Variants in SLC5A1 observed in about 807,000 individuals in gnomAD.
The protein encoded by SLC5A1 is solute carrier family 5 member 1, also known as sodium/glucose cotransporter 1.
Under a neutral mutation model 73.5 loss-of-function variants are expected in SLC5A1, and 42 were observed. That is an observed-to-expected ratio of 0.57 (90% CI 0.45 to 0.74). SLC5A1 has a LOEUF of 0.74. SLC5A1 is among the 30% of genes least tolerant of loss of function. SLC5A1 has a pLI of 0.00. For synonymous variants in SLC5A1, 300 were observed against 317.4 expected (o/e 0.95, Z 0.58); for missense variants, 634 against 855.4 (o/e 0.74, Z 3.23).
intron 5 of SLC5A1, among the ~76,000 whole-genome samples, chr22:32,080,966 C>T (rs906479948): frequency 2.0e-5 from 3 of 152,136 alleles, no homozygotes; most frequent in Admixed American, 6.5e-5. Context: ...TGCACTCTAG[C>T]CCGGGCGACA....
At chr22:32,095,658 T>C (rs2094025087) in intron 11 of SLC5A1, among the ~76,000 whole-genome samples, 1 of 152,208 alleles carries the variant, frequency 6.6e-6, no homozygotes, top group Admixed American at 6.5e-5. Flanking sequence ...TTAAAGAATA[T>C]AAGAAGAGCT....
chr22:32,080,734 G>A (rs554189188), intron 5 of SLC5A1, among the ~76,000 whole-genome samples: 5 of 152,174 alleles, frequency 3.3e-5, no homozygotes, highest in Non-Finnish European at 7.4e-5. Context: ...AGTGGCTCAC[G>A]CCTGTAATCC....
At position 32,050,223 on chromosome 22, in the gene SLC5A1, A is replaced by C. The variant is rs575360097; in HGVS notation, c.207+209A>C. Among the ~76,000 whole-genome samples, 141 of 152,294 alleles carry C rather than the reference A, an allele frequency of 9.3e-4. 2 individuals carry two copies. Among genetic ancestry groups the C allele is most frequent in the Admixed American group, 9.2e-4 (14 of 15,300 alleles). On this transcript the variant is annotated intron_variant, in intron 2 of 14. Coordinates refer to ENST00000266088, the MANE Select transcript of SLC5A1 (RefSeq NM_000343.4). ...TAGCCTTTAAATAAATCACCCTTAGAGTCCTTCAATAAAATACAAAGTTGG... is the reference window on the plus strand; with the variant it reads ...TAGCCTTTAAATAAATCACCCTTAGCGTCCTTCAATAAAATACAAAGTTGG...
chr22:32,063,976 T>C (rs955510240), intron 2 of SLC5A1, among the ~76,000 whole-genome samples: 2 of 152,220 alleles, frequency 1.3e-5, no homozygotes, highest in Non-Finnish European at 2.9e-5. Context: ...GAGTGGGGAC[T>C]TCAGGACAGC....
chr22:32,046,052 T>A (rs1023155620), intron 1 of SLC5A1, among the ~76,000 whole-genome samples: 2 of 152,158 alleles, frequency 1.3e-5, no homozygotes, highest in Non-Finnish European at 2.9e-5. Flanking sequence ...AGAAAAAAAA[T>A]TTACTGACCC....
intron 12 of SLC5A1, 150 bp from the exon 13 acceptor site, chr22:32,101,872 G>T: frequency 1.4e-6 from 1 of 693,084 alleles, no homozygotes. Context: ...GCCATATTCT[G>T]AACTTCAGTG....
intron 5 of SLC5A1, among the ~76,000 whole-genome samples, chr22:32,071,320 G>T (rs1473143346): frequency 3.9e-5 from 6 of 152,164 alleles, no homozygotes; most frequent in African/African-American, 1.2e-4. Flanking sequence ...AGGCATGGTG[G>T]TGTGCACCTG....
At chr22:32,072,983 GGTT>G (rs1421497933) in intron 5 of SLC5A1, among the ~76,000 whole-genome samples, 28 of 152,212 alleles carry the variant, frequency 1.8e-4, no homozygotes, top group African/African-American at 6.5e-4. Flanking sequence ...CCATCCTGTA[GGTT>G]GTTTTTTCAC....
chr22:32,102,292 T>C, intron 13 of SLC5A1, 55 bp downstream of exon 13: 1 of 1,321,118 alleles, frequency 7.6e-7, no homozygotes, highest in African/African-American at 1.4e-5. Flanking sequence ...TGCAATGTTC[T>C]TTAATTTTTT....
At chr22:32,099,499 C>T (rs2094032824) in intron 12 of SLC5A1, 148 bp downstream of exon 12, 1 of 817,932 alleles carries the variant, frequency 1.2e-6, no homozygotes, top group East Asian at 2.6e-5. Flanking sequence ...GGAAAGCCTC[C>T]AGGGACCATG....
At chr22:32,095,983 C>G (rs1569314927) in intron 11 of SLC5A1, among the ~76,000 whole-genome samples, 1 of 152,192 alleles carries the variant, frequency 6.6e-6, no homozygotes, top group Non-Finnish European at 1.5e-5. Context: ...CCCTTTCCCA[C>G]ATTCACAGTT....
intron 10 of SLC5A1, 116 bp from the exon 11 acceptor site, chr22:32,091,496 T>C (rs573396871): frequency 4.3e-6 from 5 of 1,174,750 alleles, no homozygotes; most frequent in Admixed American, 1.8e-5. Flanking sequence ...GAGACAGAAA[T>C]TGGATAACAT....
chr22:32,083,708 A>C (rs2094003583), intron 7 of SLC5A1, among the ~76,000 whole-genome samples: 1 of 152,010 alleles, frequency 6.6e-6, no homozygotes, highest in South Asian at 2.1e-4. Context: ...TGAAATCTTA[A>C]AGATGAGACT....
chr22:32,074,439 T>C (rs2093987614), intron 5 of SLC5A1, among the ~76,000 whole-genome samples: 1 of 152,156 alleles, frequency 6.6e-6, no homozygotes, highest in South Asian at 2.1e-4. Flanking sequence ...ATGTGTTGTG[T>C]GCTGCTCCCT....
At chr22:32,056,267 C>A (rs1227954845) in intron 2 of SLC5A1, among the ~76,000 whole-genome samples, 1 of 152,086 alleles carries the variant, frequency 6.6e-6, no homozygotes, top group Non-Finnish European at 1.5e-5. Flanking sequence ...GCAGTCTTCC[C>A]CCTTTGGCCT....
chr22:32,095,358 A>G (rs1474505077), intron 11 of SLC5A1, among the ~76,000 whole-genome samples: 1 of 152,180 alleles, frequency 6.6e-6, no homozygotes, highest in African/African-American at 2.4e-5. Context: ...TGTTAAGTCC[A>G]TTTGTTCCAG....
intron 1 of SLC5A1, among the ~76,000 whole-genome samples, chr22:32,049,110 A>T (rs148506365): frequency 0.042 from 6,107 of 144,438 alleles, 215 homozygotes; most frequent in Non-Finnish European, 0.067. Context: ...ATATATATAT[A>T]TAATCATTAT....
chr22:32,110,121 A>T lies in SLC5A1; in HGVS notation c.1903A>T (p.Thr635Ser). 1 of 1,614,128 alleles carries T rather than the reference A, an allele frequency of 6.2e-7. No homozygotes were observed. Among genetic ancestry groups the T allele is most frequent in the Non-Finnish European group, 8.5e-7 (1 of 1,179,994 alleles). ...EKAMKMKMTD[T>S]SEKPLWRTVL... ...AGCCATGAAGATGAAGATGACGGACACCTCTGAGAAGCCTTTGTGGAGGAC... is the reference window on the plus strand; with the variant it reads ...AGCCATGAAGATGAAGATGACGGACTCCTCTGAGAAGCCTTTGTGGAGGAC... The change falls in exon 15 of 15, where the codon ACC (threonine) becomes TCC (serine). Residue 635 changes from threonine (T) to serine (S), a missense_variant. Physicochemically the swap from Thr to Ser is moderately conservative, Grantham distance 58. Around this residue, in one of 3 missense-constraint regions of SLC5A1, gnomAD observed 161 missense variants for 178.7 expected, o/e 0.90. Transcript: ENST00000266088.
rs759910797 is a variant in SLC5A1 at position 32,091,701 on chromosome 22, A to G, written c.1219A>G (p.Met407Val). Residue 407 changes from methionine (M) to valine (V), a missense_variant, in exon 11 of 15, where the codon ATG becomes GTG. Physicochemically the swap from Met to Val is conservative, Grantham distance 21. This residue lies in a region of SLC5A1 where 422 missense variants were observed against 626.1 expected (regional missense o/e 0.67). Coordinates refer to ENST00000266088, the MANE Select transcript of SLC5A1 (RefSeq NM_000343.4). Reference sequence around the variant, plus strand: ...CAACAGCGCCAGCACCCTCTTCACCATGGACATCTACGCCAAGGTCCGCAA... The same window carrying G: ...CAACAGCGCCAGCACCCTCTTCACCGTGGACATCTACGCCAAGGTCCGCAA... ...IFNSASTLFTMDIYAKVRKRA... is the reference protein window; with the variant it reads ...IFNSASTLFTVDIYAKVRKRA... The G allele has an allele frequency of 3.7e-6, 6 of 1,613,974 alleles. No individual in the cohort carries two copies. In the South Asian group the frequency reaches 4.4e-5, roughly 12 times the overall value.
Sources: allele counts gnomAD v4.1 joint callset (sites outside exome capture counted in the v4.1 genomes callset), GRCh38; gene constraint gnomAD v4.1.1; regional missense constraint gnomAD v4.1.1; transcripts MANE v1.5; gene names NCBI Gene and HGNC (gene_info 2026-07-23, HGNC 2026-07-21).